TEKT2: variants seen among roughly 807,000 people sequenced by gnomAD.
TEKT2 encodes the protein tektin-2.
A neutral mutation model predicts 49.8 loss-of-function variants in TEKT2; 45 were observed. The observed-to-expected ratio is 0.90, with a 90% CI of 0.71 to 1.16. The LOEUF is 1.16. Ranked by LOEUF, TEKT2 falls within the 50% of genes most tolerant of loss-of-function variation. The probability of loss-of-function intolerance (pLI) is 0.00; values close to 1 mark genes in which losing one functional copy is unlikely to be tolerated. For synonymous variants in TEKT2, 202 were observed against 224.6 expected (o/e 0.90, Z 0.90); for missense variants, 523 against 551.4 (o/e 0.95, Z 0.52).
chr1:36,086,879 C>T (rs1193172275), intron 5 of TEKT2, 32 bp downstream of exon 5: 1 of 1,614,012 alleles, frequency 6.2e-7, no homozygotes, highest in Non-Finnish European at 8.5e-7. Flanking sequence ...GTCTCTTCTC[C>T]TCCCCTCCCA....
At chr1:36,085,717 A>T in intron 3 of TEKT2, 119 bp from the exon 4 acceptor site, 1 of 1,017,852 alleles carries the variant, frequency 9.8e-7, no homozygotes, top group Non-Finnish European at 1.5e-6. Flanking sequence ...ACGGGGTTTC[A>T]CCATTTTGGC....
chr1:36,087,949 G>A lies in TEKT2; in HGVS notation c.1080-24G>A. On this transcript the variant is annotated intron_variant, in intron 9 of 9. Transcript: ENST00000207457. This position sits in a 1 kb window ranked among gnomAD's most constrained non-coding sequence, Gnocchi z 4.9. ...GGCCTCCCAGCCTCATGGGGGCTGG[G>A]GGGTTGTCAATGTCCTTCCCTAGGG... 6.2e-7 allele frequency: 1 copy of A among 1,602,534 alleles called. No homozygotes were observed. Among genetic ancestry groups the A allele is most frequent in the Non-Finnish European group, 8.5e-7 (1 of 1,174,926 alleles).
Position 36,087,364 on chromosome 1 carries a change from C to G in TEKT2, c.855+53C>G, listed in dbSNP as rs1010575266. The G allele has an allele frequency of 1.5e-5, 25 of 1,613,340 alleles. No individual in the cohort carries two copies. The Admixed American group carries it at 2.8e-4, about 18-fold the overall frequency. On this transcript the variant is annotated intron_variant, in intron 7 of 9. Transcript: ENST00000207457. The surrounding 1 kb of genome is among the most constrained non-coding windows in gnomAD (Gnocchi z 4.9). ...CTGCTGTGGGATGAGAAGCCGCATG[C>G]CCCCGCCAGGAGGCACTGGACCAGG... is the stretch of plus-strand genomic sequence containing the variant.
Position 36,088,261 on chromosome 1 carries a change from A to C in TEKT2, c.*75A>C. ...GGGAGGAGAGAAATGAATGGAATAA[A>C]TGCAGAGGATCTCAGGCCGGCTGTT... On this transcript the variant is annotated 3_prime_UTR_variant, in exon 10 of 10. Coordinates refer to ENST00000207457, the MANE Select transcript of TEKT2 (RefSeq NM_014466.3). The C allele has an allele frequency of 7.5e-7, 1 of 1,338,080 alleles. No individual in the cohort carries two copies. Among genetic ancestry groups the C allele is most frequent in the Non-Finnish European group, 1.0e-6 (1 of 955,958 alleles). The allele number at this position is 1,338,080 out of a possible 1,614,324, so 82.9% of individuals were successfully genotyped here.
At chr1:36,086,387 T>A (rs1643373389) in intron 4 of TEKT2, among the ~76,000 whole-genome samples, 1 of 152,122 alleles carries the variant, frequency 6.6e-6, no homozygotes, top group African/African-American at 2.4e-5. Context: ...TGTATAGGGC[T>A]CATGGGGGTC....
In TEKT2 at chr1:36,087,279, G is replaced by A; in HGVS notation, c.823G>A (p.Val275Met). Reference protein sequence around the residue: ...FRKRLREMEKVYSELKWQEKN... With the variant: ...FRKRLREMEKMYSELKWQEKN... ...GAAGCGGCTGCGGGAGATGGAGAAA[G>A]TGTACAGTGAGCTCAAGTGGCAAGA... Residue 275 changes from valine to methionine, a missense_variant, in exon 7 of 10, where the codon GTG becomes ATG. Coordinates refer to ENST00000207457, the MANE Select transcript of TEKT2 (RefSeq NM_014466.3). The surrounding 1 kb of genome is among the most constrained non-coding windows in gnomAD (Gnocchi z 4.9). The A allele has an allele frequency of 6.2e-7, 1 of 1,614,152 alleles. No individual in the cohort carries two copies.
In TEKT2 at chr1:36,087,643, G is replaced by A. The variant is rs1274216482; in HGVS notation, c.999+61G>A. The A allele has an allele frequency of 3.1e-6, 5 of 1,612,696 alleles. No individual in the cohort carries two copies. In the East Asian group the frequency reaches 1.1e-4, roughly 36 times the overall value. On this transcript the variant is annotated intron_variant, in intron 8 of 9. Coordinates refer to ENST00000207457, the MANE Select transcript of TEKT2 (RefSeq NM_014466.3). The surrounding 1 kb of genome is among the most constrained non-coding windows in gnomAD (Gnocchi z 4.9). ...GCCAAGGTTTTCTCATATTCCTGAT[G>A]GAGCAAGGGCACTGCTGTCAAGGGG...
rs141959191 is a variant in TEKT2 at position 36,085,823 on chromosome 1, C to T, written c.283-13C>T. On this transcript the variant is annotated splice_polypyrimidine_tract_variant and intron_variant, in intron 3 of 9. Coordinates refer to ENST00000207457, the MANE Select transcript of TEKT2 (RefSeq NM_014466.3). ...ATGTGAGCCACCGTGCCCGGCCGCG[C>T]CCTCTTTTCTAGATGAAGGAGTCAG... The T allele has an allele frequency of 4.3e-6, 7 of 1,612,190 alleles. No individual in the cohort carries two copies. In the East Asian group the frequency reaches 1.6e-4, roughly 36 times the overall value.
In TEKT2 at chr1:36,085,760, T is replaced by G. The variant is rs769756239; in HGVS notation, c.283-76T>G. 5.5e-6 allele frequency: 8 copies of G among 1,441,516 alleles called. No individual in the cohort carries two copies. The African/African-American group carries it at 7.0e-5, about 13-fold the overall frequency. The allele number at this position is 1,441,516 out of a possible 1,614,324, so 89.3% of individuals were successfully genotyped here. ...TTCTCGAACTCCTGACCTCAAGTGT[T>G]CCATCCAACTCGGCCTCCCGAAGTG... On this transcript the variant is annotated intron_variant, in intron 3 of 9. Coordinates refer to ENST00000207457, the MANE Select transcript of TEKT2 (RefSeq NM_014466.3).
chr1:36,085,507 CTTTTTTTTTTTTTT>C (rs1159834731), intron 3 of TEKT2, among the ~76,000 whole-genome samples: 2 of 82,560 alleles, frequency 2.4e-5, no homozygotes, highest in South Asian at 4.9e-4. Flanking sequence ...TCTTTCTTTT[CTTTTTTTTTTTTTT>C]TTTTTTTTTT....
rs1345891620 is a variant in TEKT2 at position 36,085,028 on chromosome 1, A to G, written c.107A>G (p.His36Arg). The G allele has an allele frequency of 2.5e-6, 4 of 1,613,956 alleles. No homozygotes were observed. The African/African-American group carries it at 4.0e-5, about 16-fold the overall frequency. ...GCCCAGCTGCAGCGAGATGCTTCCC[A>G]TCAGATCCGCCAGGAGGCCCGGGTG... ...TNAQLQRDASHQIRQEARVLR... is the reference protein window; with the variant it reads ...TNAQLQRDASRQIRQEARVLR... Residue 36 changes from histidine to arginine, a missense_variant, in exon 2 of 10, where the codon CAT becomes CGT. Coordinates refer to ENST00000207457, the MANE Select transcript of TEKT2 (RefSeq NM_014466.3).
rs762146356 is a variant in TEKT2, at chr1:36,087,165, AGT to A, written c.748-36_748-35del. 1 of 1,612,160 alleles carries A rather than the reference AGT, an allele frequency of 6.2e-7. No homozygotes were observed. The highest frequency in any genetic ancestry group is 1.3e-5 in the African/African-American group (1 of 74,850). On this transcript the variant is annotated intron_variant, in intron 6 of 9. Coordinates refer to ENST00000207457, the MANE Select transcript of TEKT2 (RefSeq NM_014466.3). This position sits in a 1 kb window ranked among gnomAD's most constrained non-coding sequence, Gnocchi z 4.9. The stretch of plus-strand genomic sequence containing the variant: ...TGAGTAATATCCTCAGGCAGCCCTG[AGT>A]GTAGACCCTCCCCTTGCCCTGTGTT...
rs368827112 is a variant in TEKT2 at position 36,084,576 on chromosome 1, C to T, written c.-52-294C>T. ...GCAATTTTTTTCTGCCATCCGCCTACCCCCCAGGCATTTGGCACTTCACAC... is the reference window on the plus strand; with the variant it reads ...GCAATTTTTTTCTGCCATCCGCCTATCCCCCAGGCATTTGGCACTTCACAC... On this transcript the variant is annotated intron_variant, in intron 1 of 9. Transcript: ENST00000207457. The surrounding 1 kb of genome is among the most constrained non-coding windows in gnomAD (Gnocchi z 4.1). 2 of 413,516 alleles carry T rather than the reference C, an allele frequency of 4.8e-6. No homozygotes were observed. Among genetic ancestry groups the T allele is most frequent in the East Asian group, 4.9e-5 (1 of 20,350 alleles). 25.6% of individuals were successfully genotyped at this position (413,516 alleles called of 1,614,324 possible).
At chr1:36,085,769 C>A in intron 3 of TEKT2, 67 bp from the exon 4 acceptor site, 1 of 1,510,728 alleles carries the variant, frequency 6.6e-7, no homozygotes, top group Admixed American at 1.9e-5. Flanking sequence ...TTCCATCCAA[C>A]TCGGCCTCCC....
Position 36,088,146 on chromosome 1 carries a change from C to T in TEKT2, c.1253C>T (p.Thr418Ile). Residue 418 changes from threonine to isoleucine, a missense_variant, in exon 10 of 10, where the codon ACC becomes ATC. Transcript: ENST00000207457. Reference sequence around the variant, plus strand: ...ACCTTCACACGTACCACAAATAGCACCCTGAGTCCACTCAAAAGCTGCCAG... The same window carrying T: ...ACCTTCACACGTACCACAAATAGCATCCTGAGTCCACTCAAAAGCTGCCAG... ...VDTFTRTTNS[T>I]LSPLKSCQLE... The T allele has an allele frequency of 6.2e-7, 1 of 1,613,022 alleles. No individual in the cohort carries two copies. The highest frequency in any genetic ancestry group is 8.5e-7 in the Non-Finnish European group (1 of 1,179,986).
chr1:36,087,383 G>T lies in TEKT2; in HGVS notation c.856-56G>T. The T allele has an allele frequency of 6.2e-7, 1 of 1,613,858 alleles. No individual in the cohort carries two copies. Among genetic ancestry groups the T allele is most frequent in the South Asian group, 1.1e-5 (1 of 91,078 alleles). ...CGCATGCCCCCGCCAGGAGGCACTG[G>T]ACCAGGCATGCACGTGAGTCCAGCA... On this transcript the variant is annotated intron_variant, in intron 7 of 9. Transcript: ENST00000207457. This position sits in a 1 kb window ranked among gnomAD's most constrained non-coding sequence, Gnocchi z 4.9.
Position 36,087,758 on chromosome 1 carries a change from C to A in TEKT2, c.1030C>A (p.Gln344Lys), listed in dbSNP as rs201792935. 2.3e-4 allele frequency: 373 copies of A among 1,613,702 alleles called. 2 individuals carry two copies. The highest frequency in any genetic ancestry group is 3.0e-4 in the Non-Finnish European group (353 of 1,180,014). The change falls in exon 9 of 10, where the codon CAG (glutamine) becomes AAG (lysine). Residue 344 changes from glutamine to lysine, a missense_variant. Transcript: ENST00000207457. The surrounding 1 kb of genome is among the most constrained non-coding windows in gnomAD (Gnocchi z 4.9). ...AQYGLTDEVHQLEATIAALKQ... is the reference protein window; with the variant it reads ...AQYGLTDEVHKLEATIAALKQ... Reference sequence around the variant, plus strand: ...GTACGGCCTCACCGACGAGGTTCACCAGCTAGAGGCAACCATCGCTGCCCT... The same window carrying A: ...GTACGGCCTCACCGACGAGGTTCACAAGCTAGAGGCAACCATCGCTGCCCT...
Position 36,087,127 on chromosome 1 carries a change from C to T in TEKT2, c.748-77C>T. On this transcript the variant is annotated intron_variant, in intron 6 of 9. Coordinates refer to ENST00000207457, the MANE Select transcript of TEKT2 (RefSeq NM_014466.3). The surrounding 1 kb of genome is among the most constrained non-coding windows in gnomAD (Gnocchi z 4.9). ...CTGTTCCCTGCTGTGCATGTGGCCC[C>T]CTGCCCCTCGCTTGAGTAATATCCT... The T allele has an allele frequency of 6.2e-7, 1 of 1,606,002 alleles. No homozygotes were observed. The highest frequency in any genetic ancestry group is 8.5e-7 in the Non-Finnish European group (1 of 1,173,890).
Position 36,087,672 on chromosome 1 carries a change from C to G in TEKT2, c.1000-56C>G, listed in dbSNP as rs1643405263. The G allele has an allele frequency of 8.1e-6, 13 of 1,612,306 alleles. 1 individual carries two copies. In the South Asian group the frequency reaches 1.4e-4, roughly 18 times the overall value. On this transcript the variant is annotated intron_variant, in intron 8 of 9. Coordinates refer to ENST00000207457, the MANE Select transcript of TEKT2 (RefSeq NM_014466.3). The surrounding 1 kb of genome is among the most constrained non-coding windows in gnomAD (Gnocchi z 4.9). ...CAAGGGCACTGCTGTCAAGGGGCAGCACTCAGGTAAAGGACAGTGTGGCTG... is the reference window on the plus strand; with the variant it reads ...CAAGGGCACTGCTGTCAAGGGGCAGGACTCAGGTAAAGGACAGTGTGGCTG...
Sources: gnomAD v4.1 joint callset for allele counts (sites outside exome capture counted in the v4.1 genomes callset) on GRCh38, gnomAD v4.1.1 for gene constraint, Gnocchi (gnomAD v3.1) non-coding constraint, MANE v1.5 for transcripts, NCBI Gene and HGNC (gene_info 2026-07-23, HGNC 2026-07-21) for gene names.